The following PIP4K2A variants were observed in gnomAD, a reference collection of about 807,000 sequenced individuals.
PIP4K2A encodes the protein phosphatidylinositol-5-phosphate 4-kinase type 2 alpha.
In PIP4K2A, 14 loss-of-function variants were observed where a neutral mutation model predicts 42.9. The ratio of observed to expected loss-of-function variants is 0.33; its 90% CI spans 0.22 to 0.51. PIP4K2A has a LOEUF of 0.51. Among genes scored for constraint, PIP4K2A ranks in the 20% least tolerant of loss-of-function variants. PIP4K2A has a pLI of 0.97. For synonymous variants in PIP4K2A, 192 were observed against 192.2 expected, an observed-to-expected ratio of 1.00 and a Z score of 0.01; for missense variants, 434 against 519.8, an observed-to-expected ratio of 0.83 and a Z score of 1.61.
At chr10:22,700,313 T>C (rs1426579478) in intron 1 of PIP4K2A, among the ~76,000 whole-genome samples, 1 of 152,232 alleles carries the variant, frequency 6.6e-6, no homozygotes, top group Non-Finnish European at 1.5e-5. Context: ...TATAGAAGCA[T>C]GTATGTAGCA....
At chr10:22,651,382 C>A (rs1838993529) in intron 1 of PIP4K2A, among the ~76,000 whole-genome samples, 1 of 152,234 alleles carries the variant, frequency 6.6e-6, no homozygotes, top group Non-Finnish European at 1.5e-5. Flanking sequence ...CAAAGCCCTA[C>A]CTGACCCCAC....
intron 1 of PIP4K2A, among the ~76,000 whole-genome samples, chr10:22,623,830 G>T (rs966796497): frequency 3.3e-5 from 5 of 152,190 alleles, no homozygotes; most frequent in African/African-American, 7.2e-5. Context: ...GAAGCCACGT[G>T]GCAGGCCTAA....
chr10:22,567,478 G>T, intron 6 of PIP4K2A: 1 of 440,236 alleles, frequency 2.3e-6, no homozygotes, highest in South Asian at 1.9e-5. Flanking sequence ...GTCACATTCG[G>T]TTTGATATCG....
chr10:22,638,142 T>C (rs1031967498), intron 1 of PIP4K2A, among the ~76,000 whole-genome samples: 3 of 152,188 alleles, frequency 2.0e-5, no homozygotes, highest in African/African-American at 7.2e-5. Context: ...GATAATAACT[T>C]ACATGTTGAA....
chr10:22,668,655 A>G, intron 1 of PIP4K2A, among the ~76,000 whole-genome samples: 1 of 152,226 alleles, frequency 6.6e-6, no homozygotes, highest in East Asian at 1.9e-4. Flanking sequence ...ACTAGTCTGC[A>G]AAATTCTATA....
chr10:22,685,294 A>G (rs1839741475), intron 1 of PIP4K2A, among the ~76,000 whole-genome samples: 1 of 152,214 alleles, frequency 6.6e-6, no homozygotes. Context: ...ATCAAGTCAT[A>G]CTATTAATGA....
At chr10:22,579,801 C>T (rs1257956612) in intron 4 of PIP4K2A, among the ~76,000 whole-genome samples, 4 of 151,604 alleles carry the variant, frequency 2.6e-5, no homozygotes, top group Admixed American at 6.6e-5. Flanking sequence ...CCCAGCTACT[C>T]GGGAGGCTGA....
At chr10:22,604,492 C>T (rs1837864124) in intron 3 of PIP4K2A, among the ~76,000 whole-genome samples, 1 of 151,946 alleles carries the variant, frequency 6.6e-6, no homozygotes, top group Non-Finnish European at 1.5e-5. Context: ...TTTAGAGCCG[C>T]TTGTCCAAAA....
At chr10:22,566,019 A>T (rs1020442001) in intron 6 of PIP4K2A, among the ~76,000 whole-genome samples, 5 of 152,114 alleles carry the variant, frequency 3.3e-5, no homozygotes, top group African/African-American at 1.2e-4. Flanking sequence ...GTGGTGCCCG[A>T]AACTTCATTA....
chr10:22,709,139 AAACACCTT>A (rs1833870801), intron 1 of PIP4K2A, among the ~76,000 whole-genome samples: 1 of 151,986 alleles, frequency 6.6e-6, no homozygotes, highest in Non-Finnish European at 1.5e-5. Context: ...CCCGATTGAT[AAACACCTT>A]AAATTTTGAG....
At chr10:22,627,126 G>A (rs971498220) in intron 1 of PIP4K2A, among the ~76,000 whole-genome samples, 2 of 152,104 alleles carry the variant, frequency 1.3e-5, no homozygotes, top group African/African-American at 2.4e-5. Flanking sequence ...AGAATTAGAC[G>A]TCAGAGAATC....
chr10:22,562,501 A>G (rs1355373646), intron 6 of PIP4K2A, among the ~76,000 whole-genome samples: 1 of 152,172 alleles, frequency 6.6e-6, no homozygotes, highest in Non-Finnish European at 1.5e-5. Context: ...GTGAGCTGAG[A>G]TTGCACCACT....
intron 6 of PIP4K2A, among the ~76,000 whole-genome samples, chr10:22,551,184 C>G (rs1489246643): frequency 6.6e-6 from 1 of 152,184 alleles, no homozygotes; most frequent in Non-Finnish European, 1.5e-5. Flanking sequence ...TCCCTCCTCC[C>G]ACTTTTGGGG....
chr10:22,672,358 T>G (rs914937807), intron 1 of PIP4K2A, among the ~76,000 whole-genome samples: 7 of 152,172 alleles, frequency 4.6e-5, no homozygotes, highest in Non-Finnish European at 1.0e-4. Flanking sequence ...CAATGAACTA[T>G]TCACACCTTC....
intron 4 of PIP4K2A, among the ~76,000 whole-genome samples, chr10:22,574,526 T>C (rs1837067651): frequency 6.6e-6 from 1 of 151,428 alleles, no homozygotes; most frequent in Non-Finnish European, 1.5e-5. Flanking sequence ...TAGTTGTAAA[T>C]ACTGTTAATA....
chr10:22,538,010 A>T (rs1835980539), intron 9 of PIP4K2A, among the ~76,000 whole-genome samples: 1 of 152,206 alleles, frequency 6.6e-6, no homozygotes, highest in South Asian at 2.1e-4. Flanking sequence ...GGATTTTTCC[A>T]TGATGAGATG....
At chr10:22,670,286 G>A (rs1839424813) in intron 1 of PIP4K2A, among the ~76,000 whole-genome samples, 1 of 152,150 alleles carries the variant, frequency 6.6e-6, no homozygotes, top group Non-Finnish European at 1.5e-5. Flanking sequence ...GGCTGAGGTG[G>A]GAGGATCGCT....
intron 1 of PIP4K2A, among the ~76,000 whole-genome samples, chr10:22,664,156 T>TATAC (rs1564460176): frequency 1.7e-4 from 10 of 59,540 alleles, no homozygotes; most frequent in Middle Eastern, 6.7e-3. Flanking sequence ...TATATACACA[T>TATAC]ATATATATAT....
chr10:22,643,064 C>T (rs1838812835), intron 1 of PIP4K2A, among the ~76,000 whole-genome samples: 1 of 152,098 alleles, frequency 6.6e-6, no homozygotes, highest in Admixed American at 6.5e-5. Flanking sequence ...GGAGTGGAAA[C>T]ACCTAGTTCT....
Sources: gnomAD v4.1 joint callset for allele counts (sites outside exome capture counted in the v4.1 genomes callset) on GRCh38, gnomAD v4.1.1 for gene constraint, MANE v1.5 for transcripts, NCBI Gene and HGNC (gene_info 2026-07-23, HGNC 2026-07-21) for gene names.